FBRSL1: variants seen among roughly 807,000 people sequenced by gnomAD.
FBRSL1 encodes fibrosin-1-like protein.
Under a neutral mutation model 89.6 loss-of-function variants are expected in FBRSL1, and 51 were observed. The ratio of observed to expected loss-of-function variants is 0.57; its 90% CI spans 0.45 to 0.72. The LOEUF is 0.72. FBRSL1 is among the 30% of genes least tolerant of loss of function. FBRSL1 has a pLI of 0.00. For missense variants in FBRSL1, 1,618 were observed against 1,451.8 expected (o/e 1.11, Z -1.86); for synonymous variants, 779 against 681.1 (o/e 1.14, Z -2.24).
chr12:132,529,576 C>G (rs2036083818), intron 4 of FBRSL1, among the ~76,000 whole-genome samples: 1 of 151,512 alleles, frequency 6.6e-6, no homozygotes, highest in South Asian at 2.1e-4. Context: ...GGCTCTGCCA[C>G]CCTGGGCTCT....
intron 4 of FBRSL1, among the ~76,000 whole-genome samples, chr12:132,533,163 T>C (rs1226596684): frequency 1.9e-3 from 134 of 72,190 alleles, no homozygotes; most frequent in East Asian, 3.7e-3. Flanking sequence ...GTCAGAGAGC[T>C]GCAGTCTCCT....
At chr12:132,538,127 T>C (rs2036917806) in intron 4 of FBRSL1, among the ~76,000 whole-genome samples, 1 of 152,118 alleles carries the variant, frequency 6.6e-6, no homozygotes, top group African/African-American at 2.4e-5. Context: ...GGCCGGTCCC[T>C]GGGGCCAGGC....
At chr12:132,535,539 GGCT>G (rs1179836712) in intron 4 of FBRSL1, among the ~76,000 whole-genome samples, 1 of 152,234 alleles carries the variant, frequency 6.6e-6, no homozygotes. Context: ...GTGGGGCACT[GGCT>G]GCCACATCCC....
At chr12:132,491,254 C>T (rs1031348803) in intron 1 of FBRSL1, among the ~76,000 whole-genome samples, 1 of 152,190 alleles carries the variant, frequency 6.6e-6, no homozygotes, top group Non-Finnish European at 1.5e-5. Flanking sequence ...AAAATGGATA[C>T]TCCGCGGGCC....
intron 5 of FBRSL1, chr12:132,551,663 G>A (rs1372053085): frequency 6.3e-5 from 28 of 443,796 alleles, no homozygotes; most frequent in Non-Finnish European, 1.0e-4. Context: ...CCTCCTCCAC[G>A]TGAACAGACT....
chr12:132,511,540 C>T (rs2034343240), intron 2 of FBRSL1: 1 of 985,708 alleles, frequency 1.0e-6, no homozygotes, highest in Non-Finnish European at 1.2e-6. Context: ...CTTTGACTGT[C>T]TCCAGACCTC....
chr12:132,499,227 G>A lies in FBRSL1; in HGVS notation c.291+8366G>A, dbSNP rs1032735846. Reference sequence around the variant, plus strand: ...GGCCAGGCAGGGATGGTGCCGGGCAGGGGTGGTGCCGGGCAGGGGTGGTGC... The same window carrying A: ...GGCCAGGCAGGGATGGTGCCGGGCAAGGGTGGTGCCGGGCAGGGGTGGTGC... On this transcript the variant is annotated intron_variant, in intron 1 of 18. Transcript: ENST00000680143. The surrounding 1 kb of genome is among the most constrained non-coding windows in gnomAD (Gnocchi z 4.3). 2.0e-5 allele frequency among the ~76,000 whole-genome samples: 3 copies of A among 151,962 alleles called. No homozygotes were observed. Among genetic ancestry groups the A allele is most frequent in the Non-Finnish European group, 4.4e-5 (3 of 67,976 alleles).
chr12:132,572,440 T>A lies in FBRSL1; in HGVS notation c.1435-87T>A, dbSNP rs557996730. On this transcript the variant is annotated intron_variant, in intron 10 of 18. Transcript: ENST00000680143. Reference sequence around the variant, plus strand: ...GCTGCCCCTCGCCTGGCCTCGCCCCTGCTGCATTGGTGCCACCTTCTGGTT... The same window carrying A: ...GCTGCCCCTCGCCTGGCCTCGCCCCAGCTGCATTGGTGCCACCTTCTGGTT... 9.2e-5 allele frequency: 139 copies of A among 1,504,070 alleles called. 4 individuals carry two copies. The South Asian group carries it at 1.5e-3, about 16-fold the overall frequency. The allele number at this position is 1,504,070 out of a possible 1,614,324, so 93.2% of individuals were successfully genotyped here. A position where few individuals can be genotyped will look rare whatever the true frequency, so the allele number is the denominator to read the frequency against.
At chr12:132,511,329 G>T in intron 2 of FBRSL1, 1 of 985,654 alleles carries the variant, frequency 1.0e-6, no homozygotes, top group Non-Finnish European at 1.2e-6. Context: ...GCAGCGTCCC[G>T]TCTGGCTGTT....
Position 132,572,592 on chromosome 12 carries a change from CG to C in FBRSL1, c.1503del (p.Ser502ProfsTer65). The C allele has an allele frequency of 6.4e-7, 1 of 1,551,084 alleles. No individual in the cohort carries two copies. The highest frequency in any genetic ancestry group is 8.7e-7 in the Non-Finnish European group (1 of 1,146,866). ...CCCTGCTCCCACACCCCGGCCCCTT[CG>C]GGTCCCTGCAGGGCGCTTTTCAGCC... is the stretch of plus-strand genomic sequence containing the variant. ...PTLLPHPGPF[G>X]SLQGAFQPKT... On this transcript the variant is annotated frameshift_variant, in exon 11 of 19. Coordinates refer to ENST00000680143, the MANE Select transcript of FBRSL1 (RefSeq NM_001367871.1). LOFTEE classifies it high-confidence loss of function.
chr12:132,551,530 A>T (rs1403628825), intron 5 of FBRSL1: 2 of 456,274 alleles, frequency 4.4e-6, no homozygotes, highest in Non-Finnish European at 8.8e-6. Context: ...AGTGCACTTC[A>T]CATCTCATCC....
intron 2 of FBRSL1, chr12:132,509,261 C>T (rs902482159): frequency 2.9e-5 from 36 of 1,253,928 alleles, no homozygotes; most frequent in Non-Finnish European, 3.0e-6. Context: ...GCCAGTCCAG[C>T]CAGCCCCAGG....
intron 4 of FBRSL1, among the ~76,000 whole-genome samples, chr12:132,531,206 A>G (rs977042885): frequency 6.8e-6 from 1 of 148,126 alleles, no homozygotes; most frequent in African/African-American, 2.7e-5. Context: ...GGAGCAGGAC[A>G]GGACCCAGGA....
Position 132,583,092 on chromosome 12 carries a change from G to A in FBRSL1, c.2323G>A (p.Glu775Lys). Residue 775 changes from glutamate to lysine, a missense_variant, in exon 19 of 19, where the codon GAG becomes AAG. Transcript: ENST00000680143. Reference protein sequence around the residue: ...SELGRSGAPAEREAEPRVKES... With the variant: ...SELGRSGAPAKREAEPRVKES... Reference sequence around the variant, plus strand: ...GCTGGGCCGGTCCGGGGCCCCCGCGGAGCGCGAGGCCGAACCTCGGGTCAA... The same window carrying A: ...GCTGGGCCGGTCCGGGGCCCCCGCGAAGCGCGAGGCCGAACCTCGGGTCAA... 1.4e-6 allele frequency: 2 copies of A among 1,449,606 alleles called. No homozygotes were observed. Among genetic ancestry groups the A allele is most frequent in the Non-Finnish European group, 9.1e-7 (1 of 1,104,876 alleles). The allele number at this position is 1,449,606 out of a possible 1,614,324, so 89.8% of individuals were successfully genotyped here. A position where few individuals can be genotyped will look rare whatever the true frequency, so the allele number is the denominator to read the frequency against.
intron 4 of FBRSL1, among the ~76,000 whole-genome samples, chr12:132,547,111 A>AGTCAGT (rs2037754448): frequency 6.6e-6 from 1 of 152,228 alleles, no homozygotes; most frequent in Non-Finnish European, 1.5e-5. Context: ...GGGACATTGC[A>AGTCAGT]GTCAGTGTGT....
chr12:132,509,099 G>T, intron 2 of FBRSL1: 1 of 1,190,774 alleles, frequency 8.4e-7, no homozygotes, highest in Non-Finnish European at 1.0e-6. Flanking sequence ...CCTGGGCCCG[G>T]GCTGGACGGG....
intron 15 of FBRSL1, 26 bp from the exon 16 acceptor site, chr12:132,581,413 C>T (rs1214075686): frequency 1.3e-6 from 2 of 1,550,862 alleles, no homozygotes; most frequent in Admixed American, 3.9e-5. Context: ...CTCCTGGCTT[C>T]TGTCAAACCT....
Position 132,570,248 on chromosome 12 carries a change from T to TC in FBRSL1, c.1007+11dup, listed in dbSNP as rs1316003068. The TC allele has an allele frequency of 6.7e-7, 1 of 1,489,470 alleles. No homozygotes were observed. Among genetic ancestry groups the TC allele is most frequent in the South Asian group, 1.3e-5 (1 of 77,098 alleles). 92.3% of individuals were successfully genotyped at this position (1,489,470 alleles called of 1,614,324 possible). A position where few individuals can be genotyped will look rare whatever the true frequency, so the allele number is the denominator to read the frequency against. ...ACGGCCTGCACGGCCTCAGGTGGGG[T>TC]CCCCGCGGGGGACGGGGCCTGTGTG... On this transcript the variant is annotated splice_region_variant and intron_variant, in intron 7 of 18. Coordinates refer to ENST00000680143, the MANE Select transcript of FBRSL1 (RefSeq NM_001367871.1).
At chr12:132,504,517 G>C (rs561633402) in intron 1 of FBRSL1, among the ~76,000 whole-genome samples, 1 of 152,114 alleles carries the variant, frequency 6.6e-6, no homozygotes, top group African/African-American at 2.4e-5. Context: ...GTGGCGTTGC[G>C]CAGGGAGGGC....
Sources: gnomAD v4.1 joint callset for allele counts (sites outside exome capture counted in the v4.1 genomes callset) on GRCh38, gnomAD v4.1.1 for gene constraint, Gnocchi (gnomAD v3.1) non-coding constraint, MANE v1.5 for transcripts, NCBI Gene and HGNC (gene_info 2026-07-23, HGNC 2026-07-21) for gene names.